The following FAM72D variants were observed in gnomAD, a reference collection of about 807,000 sequenced individuals.
The protein encoded by FAM72D is RUMY family member 4.
For synonymous variants in FAM72D, 4 were observed against 35.1 expected (o/e 0.11, Z 3.13); for missense variants, 9 against 104.7 (o/e 0.09, Z 3.99).
intron 1 of FAM72D, among the ~76,000 whole-genome samples, chr1:145,098,371 A>G (rs1654549992): frequency 7.0e-6 from 1 of 143,516 alleles, no homozygotes; most frequent in Middle Eastern, 3.6e-3. Flanking sequence ...CTAGAATAGA[A>G]TCATGTTTTT....
intron 3 of FAM72D, among the ~76,000 whole-genome samples, chr1:145,107,349 G>A (rs1349243517): frequency 8.0e-6 from 1 of 125,592 alleles, no homozygotes; most frequent in African/African-American, 3.2e-5. Context: ...GGGTTCAAGC[G>A]ATTCTCGTGC....
At chr1:145,100,969 T>G (rs1654680926) in intron 2 of FAM72D, among the ~76,000 whole-genome samples, 1 of 148,694 alleles carries the variant, frequency 6.7e-6, no homozygotes. Context: ...TGAGACGGAG[T>G]CTTGCTCTGT....
Position 145,096,809 on chromosome 1 carries a change from C to A in FAM72D, c.-39C>A. On this transcript the variant is annotated 5_prime_UTR_variant, in exon 1 of 4. Coordinates refer to ENST00000400889, the MANE Select transcript of FAM72D (RefSeq NM_207418.3). ...ATAGTAGGAGCATTACTCTTGTTTC[C>A]TTTTTCAAAATCCCACACCTCATCC... 1.6e-6 allele frequency: 1 copy of A among 632,266 alleles called. No homozygotes were observed. Among genetic ancestry groups the A allele is most frequent in the South Asian group, 2.0e-5 (1 of 49,610 alleles). 39.2% of individuals were successfully genotyped at this position (632,266 alleles called of 1,614,324 possible).
chr1:145,102,658 T>C (rs1654761471), intron 2 of FAM72D, among the ~76,000 whole-genome samples: 6 of 60,382 alleles, frequency 9.9e-5, no homozygotes, highest in African/African-American at 3.8e-4. Flanking sequence ...TCCCAGCTAT[T>C]CTGGAGGCTG....
chr1:145,105,969 A>G, intron 3 of FAM72D, among the ~76,000 whole-genome samples: 1 of 150,096 alleles, frequency 6.7e-6, no homozygotes, highest in Non-Finnish European at 1.5e-5. Context: ...AAAAAAAAGA[A>G]AAGAAAAGAA....
At chr1:145,101,036 G>A (rs1360998968) in intron 2 of FAM72D, among the ~76,000 whole-genome samples, 1 of 150,536 alleles carries the variant, frequency 6.6e-6, no homozygotes, top group African/African-American at 2.5e-5. Flanking sequence ...CCGTCTTCTG[G>A]GTTCAAGTGA....
intron 3 of FAM72D, among the ~76,000 whole-genome samples, chr1:145,106,077 T>C (rs1248326417): frequency 1.5e-5 from 2 of 131,650 alleles, no homozygotes; most frequent in Non-Finnish European, 3.2e-5. Context: ...TTGCTTCACC[T>C]GAACTTGTAT....
chr1:145,105,977 G>T lies in FAM72D; in HGVS notation c.355+2846G>T, dbSNP rs1200366907. On this transcript the variant is annotated intron_variant, in intron 3 of 3. Coordinates refer to ENST00000400889, the MANE Select transcript of FAM72D (RefSeq NM_207418.3). ...CAAAAAAAAAAAAAAGAAAAGAAAA[G>T]AAAAATCTGTTGTTTAGTGTAGCCA... Among the ~76,000 whole-genome samples, 3 of 147,730 alleles carry T rather than the reference G, an allele frequency of 2.0e-5. 1 individual carries two copies. Among genetic ancestry groups the T allele is most frequent in the Admixed American group, 6.7e-5 (1 of 14,878 alleles).
chr1:145,102,785 A>G (rs868967538), intron 2 of FAM72D, among the ~76,000 whole-genome samples: 2 of 135,942 alleles, frequency 1.5e-5, no homozygotes. Context: ...AATAATAATA[A>G]TAATAGCAAA....
At chr1:145,108,483 A>AT (rs1427131433) in intron 3 of FAM72D, among the ~76,000 whole-genome samples, 1 of 123,542 alleles carries the variant, frequency 8.1e-6, no homozygotes, top group Non-Finnish European at 1.7e-5. Context: ...TGTAGATTTG[A>AT]TTTTTTTATC....
intron 3 of FAM72D, among the ~76,000 whole-genome samples, chr1:145,105,806 G>C (rs1228573967): frequency 1.4e-5 from 2 of 145,718 alleles, no homozygotes; most frequent in African/African-American, 5.1e-5. Flanking sequence ...TACAAAATTA[G>C]CTGGGCATGG....
chr1:145,105,827 C>G (rs1297501921), intron 3 of FAM72D, among the ~76,000 whole-genome samples: 1 of 142,994 alleles, frequency 7.0e-6, no homozygotes, highest in Non-Finnish European at 1.5e-5. Context: ...TGGCGCATGC[C>G]TATAATCCCA....
intron 3 of FAM72D, among the ~76,000 whole-genome samples, chr1:145,107,542 C>T (rs1187529080): frequency 7.8e-6 from 1 of 127,878 alleles, no homozygotes; most frequent in Non-Finnish European, 1.7e-5. Context: ...AGTCACCATG[C>T]CTGGCCTGAA....
intron 2 of FAM72D, among the ~76,000 whole-genome samples, chr1:145,102,045 T>C (rs1488200615): frequency 3.1e-5 from 4 of 130,922 alleles, no homozygotes. Flanking sequence ...GTTCACTCTA[T>C]TTAATATGTG....
In FAM72D at chr1:145,100,692, G is replaced by A. The variant is rs9697353; in HGVS notation, c.230+1627G>A. 3.3e-4 allele frequency among the ~76,000 whole-genome samples: 48 copies of A among 147,472 alleles called. 1 individual carries two copies. Among genetic ancestry groups the A allele is most frequent in the South Asian group, 1.1e-3 (5 of 4,660 alleles). Reference sequence around the variant, plus strand: ...ATTTTAGTAGAGACAGGGTTTCACCGTGTTGCCCAGGCTGCTCTCAAACTC... The same window carrying A: ...ATTTTAGTAGAGACAGGGTTTCACCATGTTGCCCAGGCTGCTCTCAAACTC... On this transcript the variant is annotated intron_variant, in intron 2 of 3. Transcript: ENST00000400889.
At chr1:145,097,216 C>A (rs1300340103) in intron 1 of FAM72D, among the ~76,000 whole-genome samples, 1 of 141,020 alleles carries the variant, frequency 7.1e-6, no homozygotes, top group African/African-American at 3.1e-5. Context: ...GCTTCTAGTT[C>A]AATTGCAGTC....
chr1:145,096,865 T>C lies in FAM72D; in HGVS notation c.18T>C (p.Cys6=). The C allele has an allele frequency of 9.4e-7, 1 of 1,063,000 alleles. No homozygotes were observed. Among genetic ancestry groups the C allele is most frequent in the Non-Finnish European group, 1.3e-6 (1 of 766,742 alleles). 65.8% of individuals were successfully genotyped at this position (1,063,000 alleles called of 1,614,324 possible). The change falls in exon 1 of 4, where the codon TGT becomes TGC. Residue 6 remains cysteine (C), a synonymous_variant. Coordinates refer to ENST00000400889, the MANE Select transcript of FAM72D (RefSeq NM_207418.3). The part of the protein sequence containing the change: MSTNI[C]SFKDRCVSIL... ...GCGACGCCATGTCCACCAACATTTGTAGTTTCAAGGACAGGTGCGTGTCCA... is the reference window on the plus strand; with the variant it reads ...GCGACGCCATGTCCACCAACATTTGCAGTTTCAAGGACAGGTGCGTGTCCA...
intron 3 of FAM72D, among the ~76,000 whole-genome samples, chr1:145,107,133 CAAAAAAAAAAA>C (rs71270756): frequency 2.9e-5 from 2 of 68,872 alleles, no homozygotes; most frequent in East Asian, 3.8e-4. Flanking sequence ...GACCCTGTCT[CAAAAAAAAAAA>C]AAAAAAAAAT....
chr1:145,107,104 A>G (rs1206653908), intron 3 of FAM72D, among the ~76,000 whole-genome samples: 6 of 83,400 alleles, frequency 7.2e-5, no homozygotes, highest in Non-Finnish European at 1.3e-4. Context: ...GCTGCACTCC[A>G]GCCTGGGCAA....
Sources: allele counts gnomAD v4.1 joint callset (sites outside exome capture counted in the v4.1 genomes callset), GRCh38; gene constraint gnomAD v4.1.1; transcripts MANE v1.5; gene names NCBI Gene and HGNC (gene_info 2026-07-23, HGNC 2026-07-21).